The following CATSPERE variants were observed in gnomAD, a reference collection of about 807,000 sequenced individuals.
The protein encoded by CATSPERE is cation channel sperm-associated auxiliary subunit epsilon.
CATSPERE carries 93 observed loss-of-function variants against 114.1 expected under a neutral mutation model. The observed-to-expected ratio is 0.81, with a 90% CI of 0.69 to 0.97. The LOEUF (loss-of-function observed/expected upper bound fraction) is 0.97, where lower values mean the gene tolerates loss of function less well. Among genes scored for constraint, CATSPERE ranks in the 50% least tolerant of loss-of-function variants. The pLI is 0.00. For synonymous variants in CATSPERE, 341 were observed against 384.1 expected (o/e 0.89, Z 1.31); for missense variants, 1,058 against 1,131.6 (o/e 0.93, Z 0.93).
intron 19 of CATSPERE, among the ~76,000 whole-genome samples, chr1:244,611,157 A>T (rs1670675670): frequency 6.6e-6 from 1 of 152,220 alleles, no homozygotes; most frequent in African/African-American, 2.4e-5. Flanking sequence ...CTCCCTTACT[A>T]GAATGTAAGC....
chr1:244,505,879 A>C (rs1262919264), intron 7 of CATSPERE, among the ~76,000 whole-genome samples: 1 of 152,014 alleles, frequency 6.6e-6, no homozygotes, highest in Non-Finnish European at 1.5e-5. Context: ...GGTGGCACAC[A>C]CCTGTAGTCC....
At chr1:244,507,216 T>C (rs1456375364) in intron 7 of CATSPERE, among the ~76,000 whole-genome samples, 1 of 152,218 alleles carries the variant, frequency 6.6e-6, no homozygotes, top group African/African-American at 2.4e-5. Flanking sequence ...ACAATAAACA[T>C]GGGGGTTCAG....
chr1:244,473,858 G>A (rs1183866297), intron 2 of CATSPERE, among the ~76,000 whole-genome samples: 1 of 151,920 alleles, frequency 6.6e-6, no homozygotes, highest in Non-Finnish European at 1.5e-5. Context: ...TAGGTGTGTT[G>A]TATTTACTGT....
intron 2 of CATSPERE, among the ~76,000 whole-genome samples, chr1:244,464,772 G>A (rs1042281433): frequency 4.0e-5 from 6 of 151,538 alleles, no homozygotes; most frequent in Admixed American, 6.6e-5. Flanking sequence ...GCATCTCTTC[G>A]CATATTATGT....
chr1:244,468,520 A>G (rs1275986612), intron 2 of CATSPERE, among the ~76,000 whole-genome samples: 4 of 152,196 alleles, frequency 2.6e-5, no homozygotes, highest in Admixed American at 2.6e-4. Flanking sequence ...TTAGAAATGC[A>G]AATTGGACCC....
chr1:244,587,579 C>T (rs897876207), intron 13 of CATSPERE, among the ~76,000 whole-genome samples: 1 of 152,180 alleles, frequency 6.6e-6, no homozygotes, highest in Non-Finnish European at 1.5e-5. Context: ...TCAAACAAAG[C>T]ACGTATGTGC....
Position 244,560,903 on chromosome 1 carries a change from T to C in CATSPERE, c.1265T>C (p.Val422Ala), listed in dbSNP as rs1662457418. 2.5e-6 allele frequency: 4 copies of C among 1,613,984 alleles called. No individual in the cohort carries two copies. The highest frequency in any genetic ancestry group is 1.3e-5 in the African/African-American group (1 of 74,938). ...VCNVTKKIFL[V>A]IYNEDTKQWV... Reference sequence around the variant, plus strand: ...AACGTCACCAAAAAGATTTTCTTAGTGATATATAATGAAGATACAAAACAG... The same window carrying C: ...AACGTCACCAAAAAGATTTTCTTAGCGATATATAATGAAGATACAAAACAG... The change falls in exon 10 of 22, where the codon GTG becomes GCG. Residue 422 changes from valine (V) to alanine (A), a missense_variant. By Grantham distance (64) the Val-to-Ala change is moderately conservative (BLOSUM62 0). This residue lies in a region of CATSPERE where 787 missense variants were observed against 905.6 expected (regional missense o/e 0.87). Coordinates refer to ENST00000366534, the MANE Select transcript of CATSPERE (RefSeq NM_001130957.2).
intron 6 of CATSPERE, among the ~76,000 whole-genome samples, chr1:244,492,762 T>G (rs1364518643): frequency 6.7e-6 from 1 of 148,264 alleles, no homozygotes; most frequent in Non-Finnish European, 1.5e-5. Context: ...GGATACAAAA[T>G]CAATGTACAA....
chr1:244,591,319 A>G (rs1667693746), intron 14 of CATSPERE, among the ~76,000 whole-genome samples: 1 of 149,598 alleles, frequency 6.7e-6, no homozygotes, highest in Non-Finnish European at 1.5e-5. Context: ...ATATATCATG[A>G]ACTAAAGTCA....
Position 244,639,941 on chromosome 1 carries a change from C to T in CATSPERE, c.2716C>T (p.Leu906=). The T allele has an allele frequency of 2.6e-6, 4 of 1,544,962 alleles. No individual in the cohort carries two copies. Among genetic ancestry groups the T allele is most frequent in the Non-Finnish European group, 3.5e-6 (4 of 1,145,276 alleles). The part of the protein sequence containing the change: ...FGLIPSPSVY[L]VASFLFVLML... ...TTCTGATTTCAGTCCAAGTGTCTAC[C>T]TGGTAGCTTCTTTCCTCTTCGTCCT... is the stretch of plus-strand genomic sequence containing the variant. Residue 906 remains leucine, a synonymous_variant, in exon 22 of 22, where the codon CTG becomes TTG. Transcript: ENST00000366534.
chr1:244,455,725 G>T (rs1013489345), intron 1 of CATSPERE, among the ~76,000 whole-genome samples: 8 of 151,892 alleles, frequency 5.3e-5, no homozygotes, highest in Non-Finnish European at 8.8e-5. Context: ...ATGTACACAT[G>T]AGAGGCCCTG....
At chr1:244,515,376 T>A in intron 7 of CATSPERE, 1 of 937,312 alleles carries the variant, frequency 1.1e-6, no homozygotes, top group Non-Finnish European at 1.3e-6. Context: ...AAATGCAGGT[T>A]TGAGAGGCAA....
intron 9 of CATSPERE, among the ~76,000 whole-genome samples, chr1:244,555,405 C>T (rs965842613): frequency 8.7e-5 from 13 of 148,822 alleles, no homozygotes; most frequent in Non-Finnish European, 1.3e-4. Flanking sequence ...AAAAATCAAA[C>T]TAGGCATAGA....
chr1:244,583,442 A>G (rs1666539334), intron 12 of CATSPERE, among the ~76,000 whole-genome samples: 1 of 152,126 alleles, frequency 6.6e-6, no homozygotes, highest in Non-Finnish European at 1.5e-5. Flanking sequence ...TTATTGTCCA[A>G]AGGTGCTATC....
In CATSPERE at chr1:244,521,568, C is replaced by T. The variant is rs147423014; in HGVS notation, c.536+2870C>T. Among the ~76,000 whole-genome samples the T allele has an allele frequency of 4.9e-3, 749 of 151,936 alleles. 2 individuals carry two copies. Among genetic ancestry groups the T allele is most frequent in the Non-Finnish European group, 8.5e-3 (579 of 67,956 alleles). ...AAAATGTTTTTTACTTCCTGCTTTC[C>T]TCGGCTTAGTAAAAAATAAAATAAA... On this transcript the variant is annotated intron_variant, in intron 8 of 21. Transcript: ENST00000366534.
At chr1:244,554,169 T>C (rs546563981) in intron 9 of CATSPERE, among the ~76,000 whole-genome samples, 117 of 152,348 alleles carry the variant, frequency 7.7e-4, no homozygotes, top group African/African-American at 2.7e-3. Context: ...CTGATTTTAC[T>C]GATTTCTTTC....
At chr1:244,589,453 T>C (rs1446819253) in intron 14 of CATSPERE, among the ~76,000 whole-genome samples, 1 of 152,142 alleles carries the variant, frequency 6.6e-6, no homozygotes, top group East Asian at 1.9e-4. Flanking sequence ...TCCCAGAAAA[T>C]GCAAAAAGGC....
At chr1:244,584,011 A>G in intron 13 of CATSPERE, 72 bp downstream of exon 13, 2 of 1,192,970 alleles carry the variant, frequency 1.7e-6, no homozygotes, top group South Asian at 2.5e-5. Context: ...AATAATGCAT[A>G]CAATACCTCC....
At chr1:244,456,720 G>A (rs1349042250), upstream of CATSPERE, among the ~76,000 whole-genome samples, 1 of 152,136 alleles carries the variant, frequency 6.6e-6, no homozygotes, top group Non-Finnish European at 1.5e-5. Flanking sequence ...TATAGATAAG[G>A]CCTGGGGACA....
Sources: allele counts gnomAD v4.1 joint callset (sites outside exome capture counted in the v4.1 genomes callset), GRCh38; gene constraint gnomAD v4.1.1; regional missense constraint gnomAD v4.1.1; transcripts MANE v1.5; gene names NCBI Gene and HGNC (gene_info 2026-07-23, HGNC 2026-07-21).